The following PPFIA2 variants were observed in gnomAD, a reference collection of about 807,000 sequenced individuals.
PPFIA2 encodes the protein PPFI scaffold protein A2.
PPFIA2 carries 46 observed loss-of-function variants against 175.5 expected under a neutral mutation model. The observed-to-expected ratio is 0.26, with a 90% CI of 0.21 to 0.34. PPFIA2 has a LOEUF of 0.34. Among genes scored for constraint, PPFIA2 ranks in the 10% least tolerant of loss-of-function variants. The pLI, the probability that PPFIA2 is intolerant of heterozygous loss-of-function variation, is 1.00. For missense variants in PPFIA2, 1,179 were observed against 1,506.1 expected (o/e 0.78, Z 3.60); for synonymous variants, 568 against 511.4 (o/e 1.11, Z -1.49).
At chr12:81,444,716 C>T (rs900369505) in intron 6 of PPFIA2, among the ~76,000 whole-genome samples, 2 of 151,950 alleles carry the variant, frequency 1.3e-5, no homozygotes, top group Non-Finnish European at 2.9e-5. Flanking sequence ...AAAATATTTG[C>T]ATGCTTAAAA....
intron 3 of PPFIA2, among the ~76,000 whole-genome samples, chr12:81,745,285 C>G (rs1468064184): frequency 6.6e-6 from 1 of 152,148 alleles, no homozygotes; most frequent in Admixed American, 6.5e-5. Flanking sequence ...AGGCTTACTT[C>G]AAGCCCTGAA....
intron 3 of PPFIA2, among the ~76,000 whole-genome samples, chr12:81,682,366 A>G (rs1353821686): frequency 6.6e-6 from 1 of 152,072 alleles, no homozygotes; most frequent in African/African-American, 2.4e-5. Flanking sequence ...CAGAACTGTG[A>G]GAAAATACAT....
rs1331999178 is a variant in PPFIA2 at position 81,631,162 on chromosome 12, C to T, written c.303+45629G>A. 2.0e-5 allele frequency among the ~76,000 whole-genome samples: 3 copies of T among 152,080 alleles called. No homozygotes were observed. The East Asian group carries it at 5.8e-4, about 29-fold the overall frequency. Reference sequence around the variant, plus strand: ...CCACCTGCCTCAGTTTCCCAAAGTGCTGGAATTACACGCATGAGCCATAGT... The same window carrying T: ...CCACCTGCCTCAGTTTCCCAAAGTGTTGGAATTACACGCATGAGCCATAGT... On this transcript the variant is annotated intron_variant, in intron 4 of 32. Transcript: ENST00000549396.
intron 8 of PPFIA2, among the ~76,000 whole-genome samples, chr12:81,397,381 T>A (rs1429175136): frequency 6.6e-6 from 1 of 152,020 alleles, no homozygotes; most frequent in Non-Finnish European, 1.5e-5. Flanking sequence ...TAGATGGAGA[T>A]GTAGCCACTG....
intron 8 of PPFIA2, among the ~76,000 whole-genome samples, chr12:81,386,229 G>A (rs1350204900): frequency 6.6e-6 from 1 of 151,644 alleles, no homozygotes; most frequent in Non-Finnish European, 1.5e-5. Flanking sequence ...AGTGAGCCAT[G>A]ATCATGCCAC....
chr12:81,683,141 T>G (rs528650297), intron 3 of PPFIA2, among the ~76,000 whole-genome samples: 1 of 152,136 alleles, frequency 6.6e-6, no homozygotes, highest in Non-Finnish European at 1.5e-5. Flanking sequence ...AACTCTTCCC[T>G]TAAATTAGGT....
At chr12:81,369,879 C>T (rs1274706278) in intron 11 of PPFIA2, among the ~76,000 whole-genome samples, 1 of 151,554 alleles carries the variant, frequency 6.6e-6, no homozygotes, top group African/African-American at 2.4e-5. Flanking sequence ...TTGGTGAACA[C>T]GATGCAGTTG....
At chr12:81,468,674 T>C (rs1396306543) in intron 4 of PPFIA2, among the ~76,000 whole-genome samples, 1 of 152,194 alleles carries the variant, frequency 6.6e-6, no homozygotes, top group Non-Finnish European at 1.5e-5. Context: ...TCAGTTATAA[T>C]TATATAACCA....
chr12:81,453,076 T>C (rs2145626002), intron 5 of PPFIA2, among the ~76,000 whole-genome samples: 1 of 151,550 alleles, frequency 6.6e-6, no homozygotes, highest in Admixed American at 6.6e-5. Flanking sequence ...ACATGTGCCA[T>C]GCTGGTGCGC....
chr12:81,617,715 G>A (rs549288396), intron 4 of PPFIA2, among the ~76,000 whole-genome samples: 10 of 152,186 alleles, frequency 6.6e-5, no homozygotes, highest in East Asian at 1.9e-4. Context: ...AGGCAACATG[G>A]GTGTCGTTGC....
chr12:81,297,743 C>T (rs2046844374), intron 23 of PPFIA2, among the ~76,000 whole-genome samples: 1 of 152,158 alleles, frequency 6.6e-6, no homozygotes, highest in South Asian at 2.1e-4. Flanking sequence ...TACATTGTTA[C>T]CAATGTCATC....
At chr12:81,438,198 G>A (rs1018391030) in intron 7 of PPFIA2, among the ~76,000 whole-genome samples, 4 of 152,098 alleles carry the variant, frequency 2.6e-5, no homozygotes, top group Non-Finnish European at 5.9e-5. Flanking sequence ...GGCTGGGCGC[G>A]GTGGCTCACG....
intron 4 of PPFIA2, among the ~76,000 whole-genome samples, chr12:81,623,526 G>A (rs2062319664): frequency 1.3e-5 from 2 of 151,902 alleles, no homozygotes; most frequent in Admixed American, 6.6e-5. Flanking sequence ...AATATAAGCA[G>A]TTAAGTGATC....
intron 3 of PPFIA2, among the ~76,000 whole-genome samples, chr12:81,704,664 AGGTTCATTTGCCTTGG>A (rs1367197270): frequency 1.3e-5 from 2 of 152,102 alleles, no homozygotes; most frequent in Admixed American, 6.5e-5. Context: ...TGCACATACA[AGGTTCATTTGCCTTGG>A]GAAGTTTTAA....
At chr12:81,419,463 T>A (rs931084670) in intron 7 of PPFIA2, among the ~76,000 whole-genome samples, 4 of 152,108 alleles carry the variant, frequency 2.6e-5, no homozygotes, top group African/African-American at 9.7e-5. Context: ...AAACATAAAG[T>A]CTCATGATAT....
At chr12:81,711,076 A>G (rs1418924159) in intron 3 of PPFIA2, among the ~76,000 whole-genome samples, 1 of 150,954 alleles carries the variant, frequency 6.6e-6, no homozygotes, top group Non-Finnish European at 1.5e-5. Context: ...TTAAAAATCA[A>G]AAACATTAGC....
chr12:81,362,689 T>C lies in PPFIA2; in HGVS notation c.1637+4A>G. ...TTATAGATAAGCTTTTAGTTTAATGTTACCTTGGTATTGTGGGTTCAATTA... is the reference window on the plus strand; with the variant it reads ...TTATAGATAAGCTTTTAGTTTAATGCTACCTTGGTATTGTGGGTTCAATTA... On this transcript the variant is annotated splice_donor_region_variant and intron_variant, in intron 15 of 32. Coordinates refer to ENST00000549396, the MANE Select transcript of PPFIA2 (RefSeq NM_003625.5). 1 of 1,532,046 alleles carries C rather than the reference T, an allele frequency of 6.5e-7. No individual in the cohort carries two copies. Among genetic ancestry groups the C allele is most frequent in the Non-Finnish European group, 8.8e-7 (1 of 1,130,480 alleles). 94.9% of individuals were successfully genotyped at this position (1,532,046 alleles called of 1,614,324 possible).
chr12:81,405,857 G>A lies in PPFIA2; in HGVS notation c.692C>T (p.Ala231Val). The A allele has an allele frequency of 6.3e-7, 1 of 1,579,548 alleles. No individual in the cohort carries two copies. The highest frequency in any genetic ancestry group is 1.2e-5 in the South Asian group (1 of 86,188). ...TGACTCTGTGGATCCCTCGCTTGAT[G>A]CCATTTTTCTTTGTATATGAACATT... The part of the protein sequence containing the change: ...EQNVHIQRKM[A>V]SSEGSTESEH... The change falls in exon 8 of 33, where the codon GCA (alanine) becomes GTA (valine). Residue 231 changes from alanine to valine, a missense_variant. Coordinates refer to ENST00000549396, the MANE Select transcript of PPFIA2 (RefSeq NM_003625.5).
intron 7 of PPFIA2, among the ~76,000 whole-genome samples, chr12:81,436,743 C>A (rs1162318656): frequency 6.6e-6 from 1 of 152,060 alleles, no homozygotes; most frequent in Non-Finnish European, 1.5e-5. Flanking sequence ...TGACTCTTTT[C>A]TAATTACTCT....
Sources: gnomAD v4.1 joint callset for allele counts (sites outside exome capture counted in the v4.1 genomes callset) on GRCh38, gnomAD v4.1.1 for gene constraint, MANE v1.5 for transcripts, NCBI Gene and HGNC (gene_info 2026-07-23, HGNC 2026-07-21) for gene names.